The following LRP1B variants were observed in gnomAD, a reference collection of about 807,000 sequenced individuals.
The protein encoded by LRP1B is low-density lipoprotein receptor-related protein 1B.
In LRP1B, 217 loss-of-function variants were observed where a neutral mutation model predicts 556.6. The observed-to-expected ratio is 0.39, with a 90% confidence interval of 0.35 to 0.44. The LOEUF is 0.44. Among genes scored for constraint, LRP1B ranks in the 20% least tolerant of loss-of-function variants. The probability of loss-of-function intolerance (pLI) is 1.00; values close to 1 mark genes in which losing one functional copy is unlikely to be tolerated. For synonymous variants in LRP1B, 2,047 were observed against 1,865.8 expected (o/e 1.10, Z -2.50); for missense variants, 5,053 against 5,620.8 (o/e 0.90, Z 3.23).
intron 6 of LRP1B, among the ~76,000 whole-genome samples, chr2:141,192,413 T>C (rs1681555030): frequency 6.6e-6 from 1 of 151,924 alleles, no homozygotes; most frequent in Non-Finnish European, 1.5e-5. Flanking sequence ...CCTAAAGTAT[T>C]GAGTATTTTA....
intron 14 of LRP1B, among the ~76,000 whole-genome samples, chr2:141,010,498 A>G (rs1368879852): frequency 6.6e-6 from 1 of 151,920 alleles, no homozygotes; most frequent in Admixed American, 6.6e-5. Context: ...ATTCACTGGT[A>G]TATTCCAAGT....
At chr2:141,397,262 C>A (rs1486979641) in intron 3 of LRP1B, among the ~76,000 whole-genome samples, 2 of 151,492 alleles carry the variant, frequency 1.3e-5, no homozygotes, top group Non-Finnish European at 2.9e-5. Context: ...GAAGAAAAAT[C>A]CAATAAAATT....
intron 41 of LRP1B, among the ~76,000 whole-genome samples, chr2:140,656,952 T>C (rs1009914348): frequency 6.6e-6 from 1 of 152,078 alleles, no homozygotes; most frequent in Non-Finnish European, 1.5e-5. Context: ...AACAAGACAA[T>C]GAATTTCATC....
intron 43 of LRP1B, among the ~76,000 whole-genome samples, chr2:140,563,381 C>A (rs1299129049): frequency 6.6e-6 from 1 of 151,538 alleles, no homozygotes; most frequent in Admixed American, 6.6e-5. Flanking sequence ...ATAATTCAAG[C>A]TATATAAATG....
chr2:140,941,009 C>G (rs1467333622), intron 20 of LRP1B, among the ~76,000 whole-genome samples: 1 of 152,036 alleles, frequency 6.6e-6, no homozygotes, highest in African/African-American at 2.4e-5. Context: ...TTGTATTTCT[C>G]TAATGATCAG....
intron 3 of LRP1B, among the ~76,000 whole-genome samples, chr2:141,345,775 G>A (rs1282049894): frequency 1.3e-5 from 2 of 151,786 alleles, no homozygotes; most frequent in African/African-American, 4.8e-5. Flanking sequence ...AAAACCCTGG[G>A]ATTACAGGTA....
chr2:141,619,764 G>A (rs1211324257), intron 2 of LRP1B, among the ~76,000 whole-genome samples: 1 of 151,946 alleles, frequency 6.6e-6, no homozygotes, highest in Non-Finnish European at 1.5e-5. Flanking sequence ...TGAGACATGA[G>A]ATGAAATTGG....
intron 1 of LRP1B, among the ~76,000 whole-genome samples, chr2:141,917,437 T>C (rs897254494): frequency 6.6e-6 from 1 of 152,234 alleles, no homozygotes; most frequent in Non-Finnish European, 1.5e-5. Flanking sequence ...ATGAGCATTT[T>C]ATATTTGCTA....
At chr2:140,683,726 C>T (rs990218417) in intron 41 of LRP1B, 1 of 797,870 alleles carries the variant, frequency 1.3e-6, no homozygotes, top group Non-Finnish European at 2.2e-6. Context: ...CTCTGTGCTC[C>T]CCGGGCTAGT....
chr2:141,586,941 C>CAAA (rs769891211), intron 2 of LRP1B, among the ~76,000 whole-genome samples: 6 of 71,500 alleles, frequency 8.4e-5, no homozygotes, highest in South Asian at 4.8e-4. Context: ...GACTCCATCT[C>CAAA]AAAAAAAAAA....
intron 43 of LRP1B, among the ~76,000 whole-genome samples, chr2:140,542,352 G>A (rs1680168977): frequency 1.3e-5 from 2 of 152,022 alleles, no homozygotes; most frequent in African/African-American, 4.8e-5. Flanking sequence ...TACTCATCAA[G>A]TTCCCAGAAC....
intron 41 of LRP1B, among the ~76,000 whole-genome samples, chr2:140,640,548 A>G (rs1684255926): frequency 6.7e-6 from 1 of 149,298 alleles, no homozygotes; most frequent in Non-Finnish European, 1.5e-5. Context: ...GGCGCCCGCC[A>G]CCATGCCCGG....
At chr2:142,052,882 T>G (rs1035807872) in intron 1 of LRP1B, among the ~76,000 whole-genome samples, 5 of 152,198 alleles carry the variant, frequency 3.3e-5, no homozygotes, top group African/African-American at 1.2e-4. Flanking sequence ...GTAGTGCTAA[T>G]TGATTTTCTT....
intron 43 of LRP1B, among the ~76,000 whole-genome samples, chr2:140,578,749 AT>A (rs1395847131): frequency 2.6e-5 from 4 of 152,188 alleles, no homozygotes; most frequent in African/African-American, 7.2e-5. Context: ...ATAAAAAAAA[AT>A]AAAATAAATA....
At chr2:141,903,505 T>A (rs1699678280) in intron 1 of LRP1B, among the ~76,000 whole-genome samples, 1 of 151,928 alleles carries the variant, frequency 6.6e-6, no homozygotes, top group African/African-American at 2.4e-5. Flanking sequence ...CTCTTTGGTA[T>A]AGGAAAAATT....
chr2:141,395,625 A>T (rs930139282), intron 3 of LRP1B, among the ~76,000 whole-genome samples: 1 of 152,120 alleles, frequency 6.6e-6, no homozygotes, highest in Non-Finnish European at 1.5e-5. Context: ...AATGTCATTA[A>T]TTGTGTAGTG....
At chr2:140,783,645 G>A (rs1018128710) in intron 32 of LRP1B, among the ~76,000 whole-genome samples, 1 of 152,140 alleles carries the variant, frequency 6.6e-6, no homozygotes, top group African/African-American at 2.4e-5. Flanking sequence ...AAGTTAATTT[G>A]TACTGCAGAA....
rs374834089 is a variant in LRP1B, at chr2:140,701,727, C to T, written c.6421G>A (p.Glu2141Lys). Residue 2141 changes from glutamate (E) to lysine (K), a missense_variant, in exon 40 of 91, where the codon GAG (glutamate) becomes AAG (lysine). Physicochemically the swap from Glu to Lys is moderately conservative, Grantham distance 56. This residue lies in a region of LRP1B where 3,619 missense variants were observed against 3,931.9 expected (regional missense o/e 0.92). Coordinates refer to ENST00000389484, the MANE Select transcript of LRP1B (RefSeq NM_018557.3). ...TTCTTTCAAGAGTGCTGACCTTTCT[C>T]TCTTACTCGGTTAAATATTTTAACC... ...KEVKIFNRVR[E>K]KGTNVCARDN... 5.0e-6 allele frequency: 8 copies of T among 1,612,508 alleles called. No homozygotes were observed. The highest frequency in any genetic ancestry group is 1.1e-5 in the South Asian group (1 of 91,022).
chr2:141,648,093 G>A (rs12613459), intron 2 of LRP1B, among the ~76,000 whole-genome samples: 34,084 of 149,590 alleles, frequency 0.23, 4,574 homozygotes, highest in East Asian at 0.53. Flanking sequence ...TGTGATTCAG[G>A]AAAAAAAAAA....
Sources: allele counts gnomAD v4.1 joint callset (sites outside exome capture counted in the v4.1 genomes callset), GRCh38; gene constraint gnomAD v4.1.1; regional missense constraint gnomAD v4.1.1; transcripts MANE v1.5; gene names NCBI Gene and HGNC (gene_info 2026-07-23, HGNC 2026-07-21).